Variants in ERBB4 observed in about 807,000 individuals in gnomAD.
ERBB4 encodes the protein receptor tyrosine-protein kinase erbB-4.
Under a neutral mutation model 158.0 loss-of-function variants are expected in ERBB4, and 42 were observed. The observed-to-expected ratio is 0.27, with a 90% CI of 0.21 to 0.34. The LOEUF is 0.34. ERBB4 is among the 10% of genes least tolerant of loss of function. The pLI is 1.00. For synonymous variants in ERBB4, 583 were observed against 558.7 expected (o/e 1.04, Z -0.61); for missense variants, 1,333 against 1,624.1 (o/e 0.82, Z 3.08).
chr2:211,580,909 A>C (rs2068085097), intron 19 of ERBB4, among the ~76,000 whole-genome samples: 1 of 117,342 alleles, frequency 8.5e-6, no homozygotes, highest in African/African-American at 3.5e-5. Flanking sequence ...ATATATATAT[A>C]TATATATGAT....
At chr2:212,068,411 C>T (rs972313837) in intron 2 of ERBB4, among the ~76,000 whole-genome samples, 8 of 152,014 alleles carry the variant, frequency 5.3e-5, no homozygotes, top group Non-Finnish European at 1.5e-5. Context: ...CAAATGGAGT[C>T]ATCCATGCTA....
At position 211,399,395 on chromosome 2, in the gene ERBB4, C is replaced by G. The variant is rs1352124564; in HGVS notation, c.3136-11403G>C. ...AATGTCTTAAACCCAAAGAGTGGCT[C>G]TATTGATGAAAAATCTCAGTGACTC... On this transcript the variant is annotated intron_variant, in intron 25 of 27. Transcript: ENST00000342788. Among the ~76,000 whole-genome samples, 3 of 152,256 alleles carry G rather than the reference C, an allele frequency of 2.0e-5. No individual in the cohort carries two copies. The East Asian group carries it at 5.8e-4, about 29-fold the overall frequency.
At chr2:211,887,138 C>T (rs1338230833) in intron 3 of ERBB4, among the ~76,000 whole-genome samples, 2 of 152,038 alleles carry the variant, frequency 1.3e-5, no homozygotes, top group Admixed American at 1.3e-4. Context: ...AATAGGTCCA[C>T]TCCCCCAAAT....
intron 3 of ERBB4, among the ~76,000 whole-genome samples, chr2:211,861,090 A>T (rs1339406329): frequency 0.03 from 1,724 of 58,114 alleles, 201 homozygotes; most frequent in East Asian, 0.049. Context: ...ATTATAAAAT[A>T]TATAAATACA....
intron 20 of ERBB4, among the ~76,000 whole-genome samples, chr2:211,497,584 G>T (rs1347239068): frequency 6.6e-6 from 1 of 152,084 alleles, no homozygotes; most frequent in African/African-American, 2.4e-5. Context: ...TTATAAAAAA[G>T]TTTTCTAAGA....
At chr2:211,990,804 TA>T (rs1013264215) in intron 2 of ERBB4, among the ~76,000 whole-genome samples, 7 of 151,932 alleles carry the variant, frequency 4.6e-5, no homozygotes, top group Non-Finnish European at 7.4e-5. Flanking sequence ...AAGTAACTAA[TA>T]AAAATGAGAC....
intron 1 of ERBB4, among the ~76,000 whole-genome samples, chr2:212,416,627 T>C (rs1445956858): frequency 6.6e-6 from 1 of 152,064 alleles, no homozygotes; most frequent in Non-Finnish European, 1.5e-5. Context: ...ATTTAACTCA[T>C]ATATATTAAT....
intron 20 of ERBB4, among the ~76,000 whole-genome samples, chr2:211,453,169 T>C (rs774082068): frequency 1.3e-5 from 2 of 152,226 alleles, no homozygotes; most frequent in South Asian, 4.1e-4. Flanking sequence ...AGCAATGAAA[T>C]GGTAACACCT....
chr2:211,683,791 C>T (rs1433658410), intron 12 of ERBB4, among the ~76,000 whole-genome samples: 1 of 149,878 alleles, frequency 6.7e-6, no homozygotes, highest in Non-Finnish European at 1.5e-5. Flanking sequence ...AGTGATTGTA[C>T]CATTTTACAC....
intron 12 of ERBB4, among the ~76,000 whole-genome samples, chr2:211,687,210 CAGA>C (rs2072595394): frequency 6.7e-6 from 1 of 148,670 alleles, no homozygotes; most frequent in Non-Finnish European, 1.5e-5. Context: ...GAGGCTGAGG[CAGA>C]AGAATGGCGT....
intron 1 of ERBB4, among the ~76,000 whole-genome samples, chr2:212,490,136 C>T (rs1690192864): frequency 6.6e-6 from 1 of 151,936 alleles, no homozygotes; most frequent in African/African-American, 2.4e-5. Flanking sequence ...AAAGGTTTCT[C>T]TTTCTTGTCT....
intron 16 of ERBB4, among the ~76,000 whole-genome samples, chr2:211,631,494 C>G (rs1220816964): frequency 6.6e-6 from 1 of 152,032 alleles, no homozygotes; most frequent in Non-Finnish European, 1.5e-5. Flanking sequence ...AAGTGGTAAA[C>G]AGTACCAAAA....
intron 3 of ERBB4, among the ~76,000 whole-genome samples, chr2:211,792,782 A>T (rs1339990902): frequency 6.6e-6 from 1 of 152,022 alleles, no homozygotes; most frequent in South Asian, 2.1e-4. Context: ...AAGGTTAACC[A>T]TTGGACCATG....
chr2:212,524,987 T>G (rs1240901971), intron 1 of ERBB4, among the ~76,000 whole-genome samples: 1 of 152,100 alleles, frequency 6.6e-6, no homozygotes, highest in Middle Eastern at 3.4e-3. Context: ...TTGATTGGGT[T>G]AAGTCAGAGA....
intron 20 of ERBB4, among the ~76,000 whole-genome samples, chr2:211,518,059 A>G (rs1220808383): frequency 6.6e-6 from 1 of 151,952 alleles, no homozygotes; most frequent in Non-Finnish European, 1.5e-5. Context: ...CTTATTATCT[A>G]TAATTCCTCA....
At chr2:212,491,595 T>C (rs914023494) in intron 1 of ERBB4, among the ~76,000 whole-genome samples, 5 of 151,614 alleles carry the variant, frequency 3.3e-5, no homozygotes, top group African/African-American at 1.2e-4. Flanking sequence ...ACATTTAAAT[T>C]TCTCTACAGA....
intron 19 of ERBB4, among the ~76,000 whole-genome samples, chr2:211,612,762 T>G (rs1163664005): frequency 6.6e-6 from 1 of 152,028 alleles, no homozygotes; most frequent in Admixed American, 6.6e-5. Flanking sequence ...TCAAATCTAG[T>G]CTCATAACTT....
chr2:211,710,749 A>T (rs973012103), intron 9 of ERBB4, among the ~76,000 whole-genome samples: 3 of 151,922 alleles, frequency 2.0e-5, no homozygotes, highest in Admixed American at 2.0e-4. Flanking sequence ...TGATGGTTTT[A>T]TACAGGGGAG....
intron 20 of ERBB4, among the ~76,000 whole-genome samples, chr2:211,448,219 C>A (rs147130803): frequency 6.6e-6 from 1 of 152,012 alleles, no homozygotes; most frequent in African/African-American, 2.4e-5. Flanking sequence ...GTGATCCACC[C>A]GCCTCAGCCT....
Sources: gnomAD v4.1 joint callset for allele counts (sites outside exome capture counted in the v4.1 genomes callset) on GRCh38, gnomAD v4.1.1 for gene constraint, MANE v1.5 for transcripts, NCBI Gene and HGNC (gene_info 2026-07-23, HGNC 2026-07-21) for gene names.